VPS13B: variants seen among roughly 807,000 people sequenced by gnomAD.
VPS13B encodes intermembrane lipid transfer protein VPS13B.
VPS13B carries 285 observed loss-of-function variants against 426.4 expected under a neutral mutation model. That is an observed-to-expected ratio of 0.67 (90% CI 0.61 to 0.74). The LOEUF (loss-of-function observed/expected upper bound fraction) is 0.74, where lower values mean the gene tolerates loss of function less well. Ranked by LOEUF, VPS13B falls within the 30% of genes least tolerant of loss-of-function variation. VPS13B has a pLI of 0.00. For missense variants in VPS13B, 4,537 were observed against 4,782.6 expected, an observed-to-expected ratio of 0.95 and a Z score of 1.51; for synonymous variants, 1,676 against 1,676.4, an observed-to-expected ratio of 1.00 and a Z score of 0.01.
At chr8:99,745,686 G>C (rs919947507) in intron 39 of VPS13B, among the ~76,000 whole-genome samples, 3 of 152,064 alleles carry the variant, frequency 2.0e-5, no homozygotes, top group Admixed American at 6.6e-5. Flanking sequence ...ACTCTATATA[G>C]AAGTAGAGAG....
intron 43 of VPS13B, among the ~76,000 whole-genome samples, chr8:99,793,450 C>T (rs1342270460): frequency 1.3e-5 from 2 of 151,896 alleles, no homozygotes; most frequent in East Asian, 1.9e-4. Flanking sequence ...ATGGACTTCT[C>T]TTTAGATACT....
chr8:99,248,769 TTTTC>T (rs1214857400), intron 17 of VPS13B, among the ~76,000 whole-genome samples: 1 of 152,140 alleles, frequency 6.6e-6, no homozygotes, highest in East Asian at 1.9e-4. Flanking sequence ...AACCAGATGG[TTTTC>T]TTTCTAAATC....
chr8:99,809,289 G>T, intron 43 of VPS13B, 86 bp from the exon 44 acceptor site: 1 of 1,549,058 alleles, frequency 6.5e-7, no homozygotes. Flanking sequence ...CAAATGGAAA[G>T]GTTTTCCAGC....
intron 17 of VPS13B, among the ~76,000 whole-genome samples, chr8:99,218,595 G>C (rs1296656691): frequency 6.6e-6 from 1 of 152,172 alleles, no homozygotes; most frequent in Non-Finnish European, 1.5e-5. Context: ...TAGCTGTTGT[G>C]TGCTCTTTAT....
At chr8:99,223,569 T>C (rs1815849735) in intron 17 of VPS13B, among the ~76,000 whole-genome samples, 1 of 152,186 alleles carries the variant, frequency 6.6e-6, no homozygotes, top group Non-Finnish European at 1.5e-5. Flanking sequence ...ATCCATGTAC[T>C]CTGACAGTGT....
At chr8:99,611,466 G>GT (rs1563824114) in intron 33 of VPS13B, among the ~76,000 whole-genome samples, 2 of 151,480 alleles carry the variant, frequency 1.3e-5, no homozygotes, top group Admixed American at 6.6e-5. Context: ...AGTACTACCT[G>GT]TTTTTTTTAT....
chr8:99,048,026 C>G (rs964973169), intron 3 of VPS13B, among the ~76,000 whole-genome samples: 3 of 150,130 alleles, frequency 2.0e-5, no homozygotes, highest in Non-Finnish European at 2.9e-5. Context: ...AGCTGTATCC[C>G]AGAGGTTTTG....
At chr8:99,854,282 G>A (rs970051800) in intron 56 of VPS13B, 26 bp downstream of exon 56, 5 of 1,608,174 alleles carry the variant, frequency 3.1e-6, no homozygotes, top group Admixed American at 1.7e-5. Context: ...GAGGGTCTGT[G>A]ATGAGCTAGA....
chr8:99,833,052 G>A (rs533831401), intron 52 of VPS13B, among the ~76,000 whole-genome samples: 1 of 152,328 alleles, frequency 6.6e-6, no homozygotes, highest in East Asian at 1.9e-4. Context: ...AGCAAGTCAA[G>A]TTGGAAGACC....
intron 4 of VPS13B, among the ~76,000 whole-genome samples, chr8:99,096,724 C>T (rs1354704524): frequency 6.8e-6 from 1 of 147,210 alleles, no homozygotes; most frequent in Non-Finnish European, 1.5e-5. Flanking sequence ...CTACTGCATT[C>T]CAGCCTGGGT....
intron 17 of VPS13B, among the ~76,000 whole-genome samples, chr8:99,260,133 A>G (rs990002515): frequency 2.0e-5 from 3 of 152,106 alleles, no homozygotes; most frequent in Non-Finnish European, 2.9e-5. Context: ...CAAAGACGCT[A>G]TAAGTGAACT....
rs1472511658 is a variant in VPS13B, at chr8:99,876,470, C to T, written c.*804C>T. ...GTAAATCCTTTGTCCTATATTGAAT[C>T]CAGTCCCAAAGTGTTCAGGTGAGTT... On this transcript the variant is annotated 3_prime_UTR_variant, in exon 62 of 62. Coordinates refer to ENST00000357162, the MANE Select transcript of VPS13B (RefSeq NM_152564.5). 1 of 152,194 alleles carries T rather than the reference C, an allele frequency of 6.6e-6. No homozygotes were observed. Among genetic ancestry groups the T allele is most frequent in the African/African-American group, 2.4e-5 (1 of 41,432 alleles). The allele number at this position is 152,194 out of a possible 1,614,324, so 9.4% of individuals were successfully genotyped here. A position where few individuals can be genotyped will look rare whatever the true frequency, so the allele number is the denominator to read the frequency against.
At chr8:99,319,899 G>T (rs1386060399) in intron 19 of VPS13B, among the ~76,000 whole-genome samples, 1 of 152,156 alleles carries the variant, frequency 6.6e-6, no homozygotes. Flanking sequence ...TACCTGACAT[G>T]TGCTTCATGT....
intron 3 of VPS13B, among the ~76,000 whole-genome samples, chr8:99,083,775 G>T (rs1386404359): frequency 7.6e-6 from 1 of 132,128 alleles, no homozygotes; most frequent in Admixed American, 8.1e-5. Flanking sequence ...ATTTGCGTAT[G>T]TTGAACCAGC....
At chr8:99,746,260 A>C (rs4735642) in intron 39 of VPS13B, among the ~76,000 whole-genome samples, 9,973 of 152,172 alleles carry the variant, frequency 0.066, 467 homozygotes, top group African/African-American at 0.13. Flanking sequence ...GAATAATATT[A>C]TTCCTATTGT....
At chr8:99,357,121 C>T (rs994441613) in intron 19 of VPS13B, among the ~76,000 whole-genome samples, 6 of 152,118 alleles carry the variant, frequency 3.9e-5, no homozygotes, top group Admixed American at 3.9e-4. Flanking sequence ...AACTCCTAAG[C>T]ACAATTTTCC....
At chr8:99,018,285 C>T (rs1379313508) in intron 2 of VPS13B, among the ~76,000 whole-genome samples, 1 of 152,172 alleles carries the variant, frequency 6.6e-6, no homozygotes, top group Admixed American at 6.5e-5. Context: ...ACTTGGGACG[C>T]TGGGGCACAA....
chr8:99,485,917 T>G (rs1043980414), intron 25 of VPS13B, among the ~76,000 whole-genome samples: 1 of 152,240 alleles, frequency 6.6e-6, no homozygotes, highest in African/African-American at 2.4e-5. Context: ...TTTAGATTTC[T>G]TAACTCCATT....
chr8:99,114,361 A>T (rs565750322), intron 6 of VPS13B, among the ~76,000 whole-genome samples: 1 of 152,292 alleles, frequency 6.6e-6, no homozygotes, highest in East Asian at 1.9e-4. Flanking sequence ...TTGAAAACAC[A>T]TTCACTGGTC....
Sources: allele counts gnomAD v4.1 joint callset (sites outside exome capture counted in the v4.1 genomes callset), GRCh38; gene constraint gnomAD v4.1.1; transcripts MANE v1.5; gene names NCBI Gene and HGNC (gene_info 2026-07-23, HGNC 2026-07-21).